Variants in QPCT observed in about 807,000 individuals in gnomAD.
The protein encoded by QPCT is EC.
Under a neutral mutation model 43.4 loss-of-function variants are expected in QPCT, and 44 were observed. The ratio of observed to expected loss-of-function variants is 1.01; its 90% CI spans 0.80 to 1.30. The LOEUF (loss-of-function observed/expected upper bound fraction) is 1.30. Among genes scored for constraint, QPCT ranks in the 50% most tolerant of loss-of-function variants. The pLI, the probability that QPCT is intolerant of heterozygous loss-of-function variation, is 0.00. For missense variants in QPCT, 526 were observed against 436.5 expected (o/e 1.21, Z -1.83); for synonymous variants, 168 against 168.4 (o/e 1.00, Z 0.02).
At chr2:37,353,856 T>G (rs1328971769) in intron 2 of QPCT, among the ~76,000 whole-genome samples, 1 of 152,212 alleles carries the variant, frequency 6.6e-6, no homozygotes, top group Non-Finnish European at 1.5e-5. Context: ...AAGGCGCAGG[T>G]GCCCAGCTCT....
intron 3 of QPCT, among the ~76,000 whole-genome samples, chr2:37,363,939 G>T (rs183096333): frequency 1.3e-5 from 2 of 152,070 alleles, no homozygotes; most frequent in East Asian, 3.9e-4. Context: ...TTTTTTAGAA[G>T]AGGAATGACA....
chr2:37,358,337 T>G (rs1672790608), intron 2 of QPCT, among the ~76,000 whole-genome samples: 1 of 152,128 alleles, frequency 6.6e-6, no homozygotes, highest in Admixed American at 6.5e-5. Flanking sequence ...CTCAGGATGT[T>G]GAGGCAGGAG....
chr2:37,363,458 A>AT (rs1672894290), intron 3 of QPCT, among the ~76,000 whole-genome samples: 1 of 132,432 alleles, frequency 7.6e-6, no homozygotes, highest in East Asian at 2.3e-4. Context: ...CTCCCTCTCT[A>AT]CAAAAAAAAA....
chr2:37,372,658 TA>T, intron 6 of QPCT, 23 bp from the exon 7 acceptor site: 1 of 1,608,072 alleles, frequency 6.2e-7, no homozygotes, highest in East Asian at 2.2e-5. Flanking sequence ...TGCACATTGT[TA>T]CAAGTTGGTT....
At chr2:37,359,507 A>G (rs1672819597) in intron 2 of QPCT, 73 bp from the exon 3 acceptor site, 2 of 1,434,456 alleles carry the variant, frequency 1.4e-6, no homozygotes, top group Non-Finnish European at 1.9e-6. Context: ...ACTACTTAAA[A>G]TTTCAGAATC....
rs375930712 is a variant in QPCT, at chr2:37,359,642, G to A, written c.330G>A (p.Leu110=). The change falls in exon 3 of 7, where the codon TTG becomes TTA. Residue 110 remains leucine, a synonymous_variant. Transcript: ENST00000338415. The part of the protein sequence containing the change: ...ADWVLEIDTF[L]SQTPYGYRSF... ...GGGTCTTGGAAATAGACACCTTCTT[G>A]AGTCAGACACCCTATGGGTACCGGT... 1 of 1,614,082 alleles carries A rather than the reference G, an allele frequency of 6.2e-7. No individual in the cohort carries two copies.
Position 37,353,270 on chromosome 2 carries a change from C to T in QPCT, c.267+335C>T, listed in dbSNP as rs967649490. 2.0e-5 allele frequency among the ~76,000 whole-genome samples: 3 copies of T among 152,100 alleles called. No homozygotes were observed. In the South Asian group the frequency reaches 6.2e-4, roughly 31 times the overall value. The stretch of plus-strand genomic sequence containing the variant: ...TGAACAGCAACAGGCTTAGGGAGTC[C>T]TTGCTTGAAGGTTCTAAGTCAAGAG... On this transcript the variant is annotated intron_variant, in intron 2 of 6. Coordinates refer to ENST00000338415, the MANE Select transcript of QPCT (RefSeq NM_012413.4).
chr2:37,365,721 G>A (rs902696829), intron 3 of QPCT, among the ~76,000 whole-genome samples: 3 of 152,196 alleles, frequency 2.0e-5, no homozygotes, highest in African/African-American at 4.8e-5. Flanking sequence ...TGCATAAGCA[G>A]GGAGACTGGC....
chr2:37,359,717 G>A lies in QPCT; in HGVS notation c.405G>A (p.Leu135=), dbSNP rs147428194. ...STLNPTAKRH[L]VLACHYDSKY... ...TCAATCCCACTGCTAAACGACATTT[G>A]GTCCTCGCCTGCCACTATGACTCCA... The change falls in exon 3 of 7, where the codon TTG becomes TTA. Residue 135 remains leucine, a synonymous_variant. Coordinates refer to ENST00000338415, the MANE Select transcript of QPCT (RefSeq NM_012413.4). 2.0e-4 allele frequency: 324 copies of A among 1,614,096 alleles called. 1 individual carries two copies. Among genetic ancestry groups the A allele is most frequent in the Non-Finnish European group, 2.3e-4 (273 of 1,180,010 alleles).
At chr2:37,355,115 T>A (rs141047410) in intron 2 of QPCT, among the ~76,000 whole-genome samples, 16 of 152,330 alleles carry the variant, frequency 1.1e-4, no homozygotes, top group African/African-American at 3.8e-4. Flanking sequence ...GGACAGTATT[T>A]TAGAATGTGT....
At chr2:37,368,739 G>C (rs1477642907) in intron 4 of QPCT, 1 of 469,902 alleles carries the variant, frequency 2.1e-6, no homozygotes, top group Non-Finnish European at 4.4e-6. Context: ...ACGCCTGGTT[G>C]ATCAGCAGTA....
At chr2:37,347,166 C>CAT (rs1331443177) in intron 1 of QPCT, among the ~76,000 whole-genome samples, 1,830 of 31,188 alleles carry the variant, frequency 0.059, 529 homozygotes, top group African/African-American at 0.28. Flanking sequence ...ATATATATAA[C>CAT]ATATATATAT....
In QPCT at chr2:37,359,738, C is replaced by T. The variant is rs1373272812; in HGVS notation, c.426C>T (p.Asp142=). 2.5e-6 allele frequency: 4 copies of T among 1,614,190 alleles called. No individual in the cohort carries two copies. Among genetic ancestry groups the T allele is most frequent in the Non-Finnish European group, 2.5e-6 (3 of 1,180,020 alleles). The change falls in exon 3 of 7, where the codon GAC becomes GAT. Residue 142 remains aspartate, a synonymous_variant. Transcript: ENST00000338415. ...KRHLVLACHY[D]SKYFSHWNNR... is the part of the protein sequence containing the mutation. ...ATTTGGTCCTCGCCTGCCACTATGA[C>T]TCCAAGTATTTTTCCCACTGGAACA...
intron 2 of QPCT, 83 bp downstream of exon 2, chr2:37,353,018 G>A (rs1290658706): frequency 1.4e-6 from 2 of 1,468,890 alleles, no homozygotes; most frequent in Admixed American, 2.2e-5. Context: ...GAAGTTCTGA[G>A]GTGTCTAATA....
intron 5 of QPCT, among the ~76,000 whole-genome samples, chr2:37,371,609 C>A (rs1673075328): frequency 6.6e-6 from 1 of 151,886 alleles, no homozygotes; most frequent in Non-Finnish European, 1.5e-5. Context: ...TAGTTCCTAG[C>A]TATCCTAGGA....
At position 37,359,814 on chromosome 2, in the gene QPCT, T is replaced by G. The variant is rs543494920; in HGVS notation, c.502T>G (p.Leu168Val). ...TTCAGCCGTGCCATGTGCAATGATG[T>G]TGGAACTTGCTCGTGCCTTAGACAA... ...TDSAVPCAMMLELARALDKKL... is the reference protein window; with the variant it reads ...TDSAVPCAMMVELARALDKKL... The change falls in exon 3 of 7, where the codon TTG becomes GTG. Residue 168 changes from leucine to valine, a missense_variant. Physicochemically the swap from Leu to Val is conservative, Grantham distance 32. Transcript: ENST00000338415. The G allele has an allele frequency of 6.2e-7, 1 of 1,614,210 alleles. No individual in the cohort carries two copies. Among genetic ancestry groups the G allele is most frequent in the South Asian group, 1.1e-5 (1 of 91,088 alleles).
Position 37,359,893 on chromosome 2 carries a change from A to C in QPCT, c.546+35A>C, listed in dbSNP as rs1012540914. 1.9e-6 allele frequency: 3 copies of C among 1,595,016 alleles called. No individual in the cohort carries two copies. The East Asian group carries it at 6.7e-5, about 36-fold the overall frequency. ...TTCTGCTTATTGATTCCTAGGATAA[A>C]GTACATTAACAGTAACTCAGAGTGA... On this transcript the variant is annotated intron_variant, in intron 3 of 6. Coordinates refer to ENST00000338415, the MANE Select transcript of QPCT (RefSeq NM_012413.4).
At position 37,367,281 on chromosome 2, in the gene QPCT, A is replaced by G; in HGVS notation, c.596A>G (p.Asp199Gly). 1 of 1,613,974 alleles carries G rather than the reference A, an allele frequency of 6.2e-7. No homozygotes were observed. The highest frequency in any genetic ancestry group is 8.5e-7 in the Non-Finnish European group (1 of 1,179,918). ...TTGTCACTCCAGCTGATCTTCTTTG[A>G]TGGTGAAGAGGCTTTTCTTCACTGG... ...PDLSLQLIFF[D>G]GEEAFLHWSP... Residue 199 changes from aspartate (D) to glycine (G), a missense_variant, in exon 4 of 7, where the codon GAT becomes GGT. Transcript: ENST00000338415.
At chr2:37,363,217 A>G (rs143070821) in intron 3 of QPCT, among the ~76,000 whole-genome samples, 1 of 152,312 alleles carries the variant, frequency 6.6e-6, no homozygotes, top group African/African-American at 2.4e-5. Context: ...TGGGCACCAG[A>G]TTGCCTTGCA....
Sources: gnomAD v4.1 joint callset for allele counts (sites outside exome capture counted in the v4.1 genomes callset) on GRCh38, gnomAD v4.1.1 for gene constraint, MANE v1.5 for transcripts, NCBI Gene and HGNC (gene_info 2026-07-23, HGNC 2026-07-21) for gene names.